Variants in SOHLH2 observed in about 807,000 individuals in gnomAD.
SOHLH2 encodes spermatogenesis and oogenesis specific basic helix-loop-helix 2, also known as spermatogenesis- and oogenesis-specific basic helix-loop-helix-containing protein 2.
A neutral mutation model predicts 50.4 loss-of-function variants in SOHLH2; 22 were observed. The observed-to-expected ratio is 0.44, with a 90% CI of 0.31 to 0.62. The LOEUF is 0.62. SOHLH2 is among the 20% of genes least tolerant of loss of function. The probability of loss-of-function intolerance (pLI) is 0.08; values close to 1 mark genes in which losing one functional copy is unlikely to be tolerated. For synonymous variants in SOHLH2, 185 were observed against 187.3 expected (o/e 0.99, Z 0.10); for missense variants, 412 against 504.4 (o/e 0.82, Z 1.76).
intron 4 of SOHLH2, among the ~76,000 whole-genome samples, chr13:36,192,166 C>T (rs149079252): frequency 7.3e-4 from 111 of 152,344 alleles, no homozygotes; most frequent in African/African-American, 2.4e-3. Context: ...GCTTAAAACA[C>T]ATTCGACTGA....
intron 1 of SOHLH2, among the ~76,000 whole-genome samples, chr13:36,205,672 A>G (rs1868717321): frequency 6.6e-6 from 1 of 152,084 alleles, no homozygotes; most frequent in Admixed American, 6.6e-5. Context: ...GAATCTTGAT[A>G]TAATTTTGTT....
chr13:36,177,483 G>T (rs1887124747), intron 6 of SOHLH2, among the ~76,000 whole-genome samples: 1 of 152,064 alleles, frequency 6.6e-6, no homozygotes, highest in South Asian at 2.1e-4. Context: ...AAAACAGGCA[G>T]AACTCTTACC....
At chr13:36,205,185 A>G (rs1469740802) in intron 1 of SOHLH2, among the ~76,000 whole-genome samples, 1 of 152,142 alleles carries the variant, frequency 6.6e-6, no homozygotes, top group African/African-American at 2.4e-5. Context: ...ATTATTCTCA[A>G]TTTCCTAGGT....
intron 1 of SOHLH2, among the ~76,000 whole-genome samples, chr13:36,214,094 G>A (rs183315648): frequency 5.0e-4 from 76 of 150,706 alleles, no homozygotes; most frequent in African/African-American, 1.8e-3. Context: ...TAATTGATGT[G>A]ATGCAATCTG....
chr13:36,196,163 T>TCACTCAGGCGGGAGTGCAGTGGC (rs374684596), intron 2 of SOHLH2, among the ~76,000 whole-genome samples: 4,863 of 151,316 alleles, frequency 0.032, 105 homozygotes, highest in East Asian at 0.075. Flanking sequence ...TCTTGCTTTG[T>TCACTCAGGCGGGAGTGCAGTGGC]CACTCAGGCG....
At chr13:36,183,778 A>G (rs930900621) in intron 6 of SOHLH2, among the ~76,000 whole-genome samples, 3 of 152,200 alleles carry the variant, frequency 2.0e-5, no homozygotes, top group African/African-American at 7.2e-5. Context: ...TATTAATATC[A>G]AAGTAGATTT....
chr13:36,192,348 T>C (rs1023059823), intron 4 of SOHLH2, among the ~76,000 whole-genome samples: 3 of 152,168 alleles, frequency 2.0e-5, no homozygotes, highest in Non-Finnish European at 2.9e-5. Context: ...GACATGGTCA[T>C]GACCAACAGA....
intron 6 of SOHLH2, 49 bp from the exon 7 acceptor site, chr13:36,174,918 C>T: frequency 6.6e-7 from 1 of 1,526,482 alleles, no homozygotes; most frequent in African/African-American, 1.4e-5. Context: ...TCATTGTCTT[C>T]ATTGTACCCA....
At chr13:36,200,999 A>G (rs1887884658) in intron 2 of SOHLH2, among the ~76,000 whole-genome samples, 1 of 143,798 alleles carries the variant, frequency 7.0e-6, no homozygotes, top group African/African-American at 2.6e-5. Flanking sequence ...CAGTGAGCCG[A>G]GATGGCGCCA....
intron 6 of SOHLH2, among the ~76,000 whole-genome samples, chr13:36,188,381 T>G (rs1021405064): frequency 6.6e-6 from 1 of 152,226 alleles, no homozygotes; most frequent in African/African-American, 2.4e-5. Context: ...CTGCTTCTTT[T>G]GTAACATAAG....
chr13:36,183,496 G>C lies in SOHLH2; in HGVS notation c.641+6450C>G, dbSNP rs143188566. 8.4e-3 allele frequency among the ~76,000 whole-genome samples: 1,278 copies of C among 152,162 alleles called. 13 individuals carry two copies. Among genetic ancestry groups the C allele is most frequent in the Middle Eastern group, 0.034 (10 of 294 alleles). ...GAAAGAGATAAAAAGAAATGCTAAA[G>C]TATACCTGATAAATCCAAAGGAAGG... On this transcript the variant is annotated intron_variant, in intron 6 of 10. Transcript: ENST00000379881.
At chr13:36,213,027 G>A (rs1404828270) in intron 1 of SOHLH2, among the ~76,000 whole-genome samples, 1 of 152,198 alleles carries the variant, frequency 6.6e-6, no homozygotes, top group East Asian at 1.9e-4. Context: ...ACCAGGAGCA[G>A]AGCAGCCCAC....
At chr13:36,184,230 T>G (rs910247601) in intron 6 of SOHLH2, among the ~76,000 whole-genome samples, 5 of 152,098 alleles carry the variant, frequency 3.3e-5, no homozygotes, top group African/African-American at 1.2e-4. Flanking sequence ...AGTTAAGTTA[T>G]ACACTTCTAA....
At chr13:36,213,544 G>T (rs1475290558) in intron 1 of SOHLH2, among the ~76,000 whole-genome samples, 1 of 152,202 alleles carries the variant, frequency 6.6e-6, no homozygotes, top group Non-Finnish European at 1.5e-5. Flanking sequence ...AGCTGGCCTT[G>T]CTTTCTGGCG....
At chr13:36,184,198 C>T (rs920773111) in intron 6 of SOHLH2, among the ~76,000 whole-genome samples, 2 of 151,922 alleles carry the variant, frequency 1.3e-5, no homozygotes, top group African/African-American at 4.8e-5. Flanking sequence ...AAATCAATAC[C>T]TAGAAAGTCT....
At chr13:36,210,579 A>ACAT (rs1869058724) in intron 1 of SOHLH2, among the ~76,000 whole-genome samples, 1 of 152,060 alleles carries the variant, frequency 6.6e-6, no homozygotes, top group Non-Finnish European at 1.5e-5. Flanking sequence ...CATGATATTT[A>ACAT]CTTGAAGGAA....
chr13:36,211,697 C>T (rs1054300558), intron 1 of SOHLH2, among the ~76,000 whole-genome samples: 4 of 152,152 alleles, frequency 2.6e-5, no homozygotes, highest in African/African-American at 4.8e-5. Context: ...AAGTGACCCT[C>T]GTCTGAAGGA....
chr13:36,194,511 T>C (rs558594071), intron 2 of SOHLH2, among the ~76,000 whole-genome samples: 3 of 152,280 alleles, frequency 2.0e-5, no homozygotes, highest in African/African-American at 7.2e-5. Context: ...GGTGGGAAGG[T>C]AGGGAGAAAC....
rs1177866179 is a variant in SOHLH2 at position 36,214,518 on chromosome 13, G to A, written c.9C>T (p.Ser3=). The change falls in exon 1 of 11, where the codon TCC becomes TCT. Residue 3 remains serine (S), a synonymous_variant. Transcript: ENST00000379881. ...GGCAGTGCTCCTGGCAGATAATTGA[G>A]GAAGCCATGGCCGCTGCGCACGTGC... MA[S]SIICQEHCQI... The A allele has an allele frequency of 6.2e-7, 1 of 1,612,416 alleles. No homozygotes were observed. The highest frequency in any genetic ancestry group is 8.5e-7 in the Non-Finnish European group (1 of 1,179,444).
Sources: allele counts gnomAD v4.1 joint callset (sites outside exome capture counted in the v4.1 genomes callset), GRCh38; gene constraint gnomAD v4.1.1; transcripts MANE v1.5; gene names NCBI Gene and HGNC (gene_info 2026-07-23, HGNC 2026-07-21).